The following CSMD3 variants were observed in gnomAD, a reference collection of about 807,000 sequenced individuals.
CSMD3 encodes CUB and Sushi multiple domains 3.
In CSMD3, 177 loss-of-function variants were observed where a neutral mutation model predicts 435.2. The observed-to-expected ratio is 0.41, with a 90% confidence interval of 0.36 to 0.46. The LOEUF (loss-of-function observed/expected upper bound fraction) is 0.46. CSMD3 is among the 20% of genes least tolerant of loss of function. The pLI is 0.34. For synonymous variants in CSMD3, 1,656 were observed against 1,520.5 expected (o/e 1.09, Z -2.07); for missense variants, 4,265 against 4,504.6 (o/e 0.95, Z 1.52).
intron 9 of CSMD3, among the ~76,000 whole-genome samples, chr8:112,926,237 AAT>A (rs1491126596): frequency 2.9e-5 from 2 of 68,808 alleles, no homozygotes; most frequent in African/African-American, 9.0e-5. Context: ...ACACTCATTA[AAT>A]ATGTGTGTGT....
intron 6 of CSMD3, among the ~76,000 whole-genome samples, chr8:112,989,068 G>A (rs189150336): frequency 6.6e-6 from 1 of 152,106 alleles, no homozygotes; most frequent in Admixed American, 6.6e-5. Context: ...TTATGCCAGA[G>A]GCTGGATGAT....
At chr8:112,600,568 G>T (rs984656810) in intron 22 of CSMD3, among the ~76,000 whole-genome samples, 2 of 152,160 alleles carry the variant, frequency 1.3e-5, no homozygotes, top group Non-Finnish European at 2.9e-5. Context: ...AATCCTTTAT[G>T]CAACAGTTTT....
chr8:112,538,474 T>C (rs1826345537), intron 27 of CSMD3, among the ~76,000 whole-genome samples: 1 of 152,066 alleles, frequency 6.6e-6, no homozygotes, highest in African/African-American at 2.4e-5. Flanking sequence ...CAAAATGTTG[T>C]TAGAACTTAT....
At chr8:112,879,821 C>A (rs1161791498) in intron 10 of CSMD3, among the ~76,000 whole-genome samples, 2 of 151,958 alleles carry the variant, frequency 1.3e-5, no homozygotes, top group South Asian at 2.1e-4. Context: ...AACACAGGAA[C>A]AGAAAACCAA....
intron 10 of CSMD3, among the ~76,000 whole-genome samples, chr8:112,879,760 C>A (rs183520343): frequency 9.2e-5 from 14 of 151,998 alleles, no homozygotes; most frequent in African/African-American, 3.1e-4. Flanking sequence ...TGCTGGTTCC[C>A]CTGAGAGCTG....
At chr8:112,332,542 T>C (rs1314046683) in intron 45 of CSMD3, among the ~76,000 whole-genome samples, 1 of 152,072 alleles carries the variant, frequency 6.6e-6, no homozygotes, top group Non-Finnish European at 1.5e-5. Context: ...AAAAGGCAGG[T>C]AGGAATGAAA....
At chr8:113,295,354 A>C (rs537331777) in intron 2 of CSMD3, among the ~76,000 whole-genome samples, 2 of 152,174 alleles carry the variant, frequency 1.3e-5, no homozygotes, top group Non-Finnish European at 2.9e-5. Context: ...TCTTTCTACT[A>C]ATTTAACACT....
At chr8:113,250,482 C>T (rs906915028) in intron 3 of CSMD3, among the ~76,000 whole-genome samples, 18 of 151,950 alleles carry the variant, frequency 1.2e-4, no homozygotes, top group African/African-American at 4.1e-4. Flanking sequence ...TTGTTTTATT[C>T]GTGAAATAAT....
At chr8:112,631,788 T>C (rs1046946380) in intron 22 of CSMD3, among the ~76,000 whole-genome samples, 3 of 151,968 alleles carry the variant, frequency 2.0e-5, no homozygotes, top group Admixed American at 1.3e-4. Flanking sequence ...TAGAGCACTT[T>C]TCTTTCATCT....
chr8:112,969,701 C>G (rs553321870), intron 7 of CSMD3, among the ~76,000 whole-genome samples: 19 of 151,816 alleles, frequency 1.3e-4, no homozygotes, highest in Non-Finnish European at 1.8e-4. Flanking sequence ...GAAAACGTTC[C>G]CAGAAGAATA....
chr8:113,019,414 C>T (rs1345556390), intron 5 of CSMD3, among the ~76,000 whole-genome samples: 1 of 151,906 alleles, frequency 6.6e-6, no homozygotes, highest in African/African-American at 2.4e-5. Context: ...AACTATAAAA[C>T]TTTAAGTGCA....
chr8:112,979,936 C>T (rs1564173576), intron 6 of CSMD3, among the ~76,000 whole-genome samples: 1 of 150,884 alleles, frequency 6.6e-6, no homozygotes, highest in Admixed American at 6.6e-5. Flanking sequence ...AAATGATTTA[C>T]ATATATAAAC....
Position 113,216,306 on chromosome 8 carries a change from C to T in CSMD3, c.515-42390G>A, listed in dbSNP as rs190121668. 1.8e-3 allele frequency among the ~76,000 whole-genome samples: 268 copies of T among 151,872 alleles called. 1 individual carries two copies. Among genetic ancestry groups the T allele is most frequent in the Non-Finnish European group, 1.8e-3 (121 of 67,872 alleles). ...TGTTATGTACGCACTGAGCTTATAT[C>T]TTTAAAAGACAAAAAAGATAAATCC... On this transcript the variant is annotated intron_variant, in intron 3 of 70. Coordinates refer to ENST00000297405, the MANE Select transcript of CSMD3 (RefSeq NM_198123.2).
intron 12 of CSMD3, among the ~76,000 whole-genome samples, chr8:112,806,770 C>T (rs929302031): frequency 3.3e-5 from 5 of 152,124 alleles, no homozygotes; most frequent in African/African-American, 1.2e-4. Flanking sequence ...TGCATTCCCC[C>T]GATCACAAAC....
intron 32 of CSMD3, among the ~76,000 whole-genome samples, chr8:112,467,489 A>G (rs1348619992): frequency 6.6e-6 from 1 of 151,858 alleles, no homozygotes; most frequent in Non-Finnish European, 1.5e-5. Flanking sequence ...CGTGCTTTAT[A>G]CAGCAACTTA....
intron 3 of CSMD3, among the ~76,000 whole-genome samples, chr8:113,277,500 T>G (rs1233849692): frequency 6.6e-6 from 1 of 152,036 alleles, no homozygotes; most frequent in East Asian, 1.9e-4. Flanking sequence ...AATTAGTGTT[T>G]AGTTTAAGAC....
intron 33 of CSMD3, 101 bp from the exon 34 acceptor site, chr8:112,408,514 C>A: frequency 3.7e-6 from 3 of 820,130 alleles, no homozygotes; most frequent in Non-Finnish European, 6.3e-6. Context: ...AAATGTCAAT[C>A]TATGTTCTAT....
At chr8:113,131,555 G>A (rs551010275) in intron 4 of CSMD3, among the ~76,000 whole-genome samples, 5 of 152,058 alleles carry the variant, frequency 3.3e-5, no homozygotes, top group African/African-American at 1.2e-4. Context: ...AGATTTCACA[G>A]GATGTATGGA....
At chr8:112,559,530 G>C (rs1828427378) in intron 24 of CSMD3, among the ~76,000 whole-genome samples, 1 of 151,776 alleles carries the variant, frequency 6.6e-6, no homozygotes, top group Non-Finnish European at 1.5e-5. Context: ...CTAGGTGAAA[G>C]GAGAGCTGAC....
Sources: gnomAD v4.1 joint callset for allele counts (sites outside exome capture counted in the v4.1 genomes callset) on GRCh38, gnomAD v4.1.1 for gene constraint, MANE v1.5 for transcripts, NCBI Gene and HGNC (gene_info 2026-07-23, HGNC 2026-07-21) for gene names.